Variants in SPRING1 observed in about 807,000 individuals in gnomAD.
The protein encoded by SPRING1 is SREBF pathway regulator in golgi 1, also known as SREBP regulating gene protein.
In SPRING1, 14 loss-of-function variants were observed where a neutral mutation model predicts 24.7. That is an observed-to-expected ratio of 0.57 (90% confidence interval 0.37 to 0.88). The LOEUF is 0.88. SPRING1 is among the 40% of genes least tolerant of loss of function. The pLI is 0.00. For missense variants in SPRING1, 255 were observed against 268.4 expected (o/e 0.95, Z 0.35); for synonymous variants, 93 against 106.1 (o/e 0.88, Z 0.76).
intron 1 of SPRING1, among the ~76,000 whole-genome samples, chr12:116,723,448 C>A (rs1002603885): frequency 6.6e-6 from 1 of 152,202 alleles, no homozygotes; most frequent in African/African-American, 2.4e-5. Flanking sequence ...GGCATACTTA[C>A]ATGCGTGGCT....
intron 4 of SPRING1, 110 bp from the exon 5 acceptor site, chr12:116,718,003 G>A (rs1870244806): frequency 7.9e-6 from 7 of 884,290 alleles, no homozygotes; most frequent in Non-Finnish European, 1.1e-5. Context: ...CCTGCAGGGG[G>A]CTGGCCGAGT....
chr12:116,733,755 A>G (rs896988874), intron 1 of SPRING1, among the ~76,000 whole-genome samples: 2 of 152,352 alleles, frequency 1.3e-5, no homozygotes, highest in Non-Finnish European at 2.9e-5. Context: ...AGCTGACAGT[A>G]GTACACAGTA....
At chr12:116,737,631 G>A (rs998642388) in intron 1 of SPRING1, among the ~76,000 whole-genome samples, 159 bp downstream of exon 1, 1 of 146,710 alleles carries the variant, frequency 6.8e-6, no homozygotes, top group African/African-American at 2.5e-5. Context: ...GAAGGAAGGA[G>A]GAAGGAAGGG....
chr12:116,722,704 C>T (rs1228866093), intron 2 of SPRING1, among the ~76,000 whole-genome samples: 1 of 152,080 alleles, frequency 6.6e-6, no homozygotes, highest in East Asian at 1.9e-4. Flanking sequence ...GAAAACTGAG[C>T]TCTTATCCTA....
rs1870377318 is a variant in SPRING1, at chr12:116,720,531, G to C, written c.269-84C>G. On this transcript the variant is annotated intron_variant, in intron 2 of 4. Transcript: ENST00000261318. This position sits in a 1 kb window ranked among gnomAD's most constrained non-coding sequence, Gnocchi z 4.0. Reference sequence around the variant, plus strand: ...GGATGACCATGAAGCAGCAGTGAAAGTACACAGACAGAAGCTGGAGTCTGG... The same window carrying C: ...GGATGACCATGAAGCAGCAGTGAAACTACACAGACAGAAGCTGGAGTCTGG... 3 of 1,536,308 alleles carry C rather than the reference G, an allele frequency of 2.0e-6. No individual in the cohort carries two copies. The highest frequency in any genetic ancestry group is 1.4e-5 in the African/African-American group (1 of 72,860).
chr12:116,725,681 C>A (rs1022442316), intron 1 of SPRING1, among the ~76,000 whole-genome samples: 1 of 152,032 alleles, frequency 6.6e-6, no homozygotes, highest in Non-Finnish European at 1.5e-5. Context: ...TTCAGAAGAT[C>A]GAGACCATCC....
rs1200680136 is a variant in SPRING1, at chr12:116,716,830, C to G, written c.*980G>C. On this transcript the variant is annotated 3_prime_UTR_variant, in exon 5 of 5. Coordinates refer to ENST00000261318, the MANE Select transcript of SPRING1 (RefSeq NM_024738.4). The stretch of plus-strand genomic sequence containing the variant: ...GAAAGCAATAAAGAATAAACACATA[C>G]AGCAAGCTACGAGGTGCGTCTGTTT... The G allele has an allele frequency of 6.6e-6, 1 of 152,206 alleles. No homozygotes were observed. The highest frequency in any genetic ancestry group is 2.4e-5 in the African/African-American group (1 of 41,450). The allele number at this position is 152,206 out of a possible 1,614,324, so 9.4% of individuals were successfully genotyped here.
rs917894580 is a variant in SPRING1, at chr12:116,720,775, A to G, written c.269-328T>C. Among the ~76,000 whole-genome samples the G allele has an allele frequency of 2.6e-5, 4 of 152,220 alleles. No homozygotes were observed. Among genetic ancestry groups the G allele is most frequent in the African/African-American group, 9.6e-5 (4 of 41,460 alleles). Reference sequence around the variant, plus strand: ...TCTCCTATTCTAACCTATGCAAGCCAACGTCTCATCTGTGCTTGAAGAAAA... The same window carrying G: ...TCTCCTATTCTAACCTATGCAAGCCGACGTCTCATCTGTGCTTGAAGAAAA... On this transcript the variant is annotated intron_variant, in intron 2 of 4. Transcript: ENST00000261318. The surrounding 1 kb of genome is among the most constrained non-coding windows in gnomAD (Gnocchi z 4.0).
rs1227656213 is a variant in SPRING1 at position 116,712,125 on chromosome 12, T to C, written c.*5685A>G. 1 of 152,232 alleles carries C rather than the reference T, an allele frequency of 6.6e-6. No homozygotes were observed. Among genetic ancestry groups the C allele is most frequent in the Non-Finnish European group, 1.5e-5 (1 of 68,044 alleles). The allele number at this position is 152,232 out of a possible 1,614,324, so 9.4% of individuals were successfully genotyped here. A position where few individuals can be genotyped will look rare whatever the true frequency, so the allele number is the denominator to read the frequency against. On this transcript the variant is annotated 3_prime_UTR_variant, in exon 5 of 5. Transcript: ENST00000261318. Reference sequence around the variant, plus strand: ...CAGAATGTGTAGTCCTGAGAAAAAATAAACCTGGACTCTTGGTAAAATATT... The same window carrying C: ...CAGAATGTGTAGTCCTGAGAAAAAACAAACCTGGACTCTTGGTAAAATATT...
chr12:116,723,314 A>G lies in SPRING1; in HGVS notation c.112-91T>C, dbSNP rs923589014. On this transcript the variant is annotated intron_variant, in intron 1 of 4. Coordinates refer to ENST00000261318, the MANE Select transcript of SPRING1 (RefSeq NM_024738.4). ...TTCACAGAAACTACAGTAAGAGGAC[A>G]GAAATACTATAAAAGGCTTACACTA... The G allele has an allele frequency of 4.1e-6, 6 of 1,455,690 alleles. No individual in the cohort carries two copies. In the African/African-American group the frequency reaches 5.6e-5, roughly 14 times the overall value. The allele number at this position is 1,455,690 out of a possible 1,614,324, so 90.2% of individuals were successfully genotyped here. A position where few individuals can be genotyped will look rare whatever the true frequency, so the allele number is the denominator to read the frequency against.
At chr12:116,731,486 TATGATTC>T in intron 1 of SPRING1, among the ~76,000 whole-genome samples, 1 of 152,266 alleles carries the variant, frequency 6.6e-6, no homozygotes, top group East Asian at 1.9e-4. Context: ...AGCTCATGCC[TATGATTC>T]CAGCACTCTG....
chr12:116,718,886 A>G (rs570752683), intron 4 of SPRING1, among the ~76,000 whole-genome samples: 7 of 152,254 alleles, frequency 4.6e-5, no homozygotes, highest in Non-Finnish European at 1.0e-4. Context: ...GCTCATTATA[A>G]TCCCTGAAAC....
chr12:116,727,316 A>C (rs1228813688), intron 1 of SPRING1, among the ~76,000 whole-genome samples: 1 of 152,230 alleles, frequency 6.6e-6, no homozygotes, highest in African/African-American at 2.4e-5. Context: ...ATGCTGTGAC[A>C]CATGTCCACA....
rs139727003 is a variant in SPRING1, at chr12:116,724,491, T to C, written c.112-1268A>G. 9.7e-3 allele frequency among the ~76,000 whole-genome samples: 1,480 copies of C among 152,138 alleles called. 12 individuals carry two copies. Among genetic ancestry groups the C allele is most frequent in the Middle Eastern group, 0.017 (5 of 294 alleles). On this transcript the variant is annotated intron_variant, in intron 1 of 4. Coordinates refer to ENST00000261318, the MANE Select transcript of SPRING1 (RefSeq NM_024738.4). ...AGCACTTTGGGGAGGCCGAGGCTGG[T>C]GGATCACCTAAGGTCAGGAGTTCAA...
intron 1 of SPRING1, among the ~76,000 whole-genome samples, chr12:116,723,822 C>A (rs561093441): frequency 6.6e-6 from 1 of 152,128 alleles, no homozygotes. Context: ...TAACCCGCTA[C>A]GGAACACACC....
At chr12:116,718,920 T>C (rs978232648) in intron 4 of SPRING1, among the ~76,000 whole-genome samples, 1 of 152,210 alleles carries the variant, frequency 6.6e-6, no homozygotes, top group Non-Finnish European at 1.5e-5. Context: ...TACTGAATGC[T>C]CGCAGAACAA....
chr12:116,720,021 G>A lies in SPRING1; in HGVS notation c.421-145C>T, dbSNP rs557782436. The A allele has an allele frequency of 4.3e-5, 31 of 729,112 alleles. No homozygotes were observed. The highest frequency in any genetic ancestry group is 2.9e-4 in the South Asian group (16 of 54,500). 45.2% of individuals were successfully genotyped at this position (729,112 alleles called of 1,614,324 possible). On this transcript the variant is annotated intron_variant, in intron 3 of 4. Transcript: ENST00000261318. This position sits in a 1 kb window ranked among gnomAD's most constrained non-coding sequence, Gnocchi z 4.0. ...AGGAGGGAGGGGAAAGGACACACGC[G>A]TGCACACACGTGCATGCCAAAACAC... is the stretch of plus-strand genomic sequence containing the variant.
At chr12:116,719,301 T>A (rs916245772) in intron 4 of SPRING1, among the ~76,000 whole-genome samples, 10 of 152,226 alleles carry the variant, frequency 6.6e-5, no homozygotes, top group Non-Finnish European at 1.3e-4. Flanking sequence ...GATTTATTCG[T>A]GTATTTTTAA....
At chr12:116,721,874 T>G (rs1294039616) in intron 2 of SPRING1, among the ~76,000 whole-genome samples, 1 of 152,222 alleles carries the variant, frequency 6.6e-6, no homozygotes, top group Non-Finnish European at 1.5e-5. Flanking sequence ...ATCCTTTTTT[T>G]TCCCCACTGC....
Sources: allele counts gnomAD v4.1 joint callset (sites outside exome capture counted in the v4.1 genomes callset), GRCh38; gene constraint gnomAD v4.1.1; non-coding constraint Gnocchi (gnomAD v3.1); transcripts MANE v1.5; gene names NCBI Gene and HGNC (gene_info 2026-07-23, HGNC 2026-07-21).